GARIN1A: variants seen among roughly 807,000 people sequenced by gnomAD.
The protein encoded by GARIN1A is golgi associated RAB2 interactor 1A.
the GARIN1A span, chr7:128,687,018 A>G: frequency 6.6e-6 from 1 of 152,142 alleles, no homozygotes; most frequent in African/African-American, 2.4e-5. Flanking sequence ...CACCATGCCA[A>G]ATTTCTTGTG....
At chr7:128,680,858 C>T in the GARIN1A span, among the ~76,000 whole-genome samples, 17 of 152,196 alleles carry the variant, frequency 1.1e-4, no homozygotes, top group African/African-American at 2.2e-4. Flanking sequence ...TGAGCCACTG[C>T]GCCTGGTCCT....
chr7:128,685,270 A>G, the GARIN1A span: 2 of 152,216 alleles, frequency 1.3e-5, no homozygotes, highest in Admixed American at 1.3e-4. Context: ...ACTGCGTTTG[A>G]CGCTAAGTAT....
At chr7:128,698,776 G>A in the GARIN1A span, among the ~76,000 whole-genome samples, 1 of 152,104 alleles carries the variant, frequency 6.6e-6, no homozygotes. Flanking sequence ...TAGAGACGGG[G>A]TTTTGCTGTG....
At chr7:128,675,832 G>T in the GARIN1A span, 1 of 1,613,600 alleles carries the variant, frequency 6.2e-7, no homozygotes, top group East Asian at 2.2e-5. Context: ...AGCACACCTG[G>T]TGACGCCCCA....
the GARIN1A span, among the ~76,000 whole-genome samples, chr7:128,706,876 G>A: frequency 6.6e-6 from 1 of 152,132 alleles, no homozygotes; most frequent in Non-Finnish European, 1.5e-5. Context: ...GGGACTCTGG[G>A]AAATGCAAAG....
chr7:128,682,109 C>G, the GARIN1A span, among the ~76,000 whole-genome samples: 1 of 152,122 alleles, frequency 6.6e-6, no homozygotes, highest in Admixed American at 6.5e-5. Context: ...ACAGAAACAA[C>G]TCTTCTCCCA....
chr7:128,672,661 G>A, the GARIN1A span: 2 of 430,600 alleles, frequency 4.6e-6, no homozygotes, highest in South Asian at 2.2e-5. Flanking sequence ...GGGGGGGCGG[G>A]GGGACAAAGA....
At chr7:128,694,426 G>A in the GARIN1A span, among the ~76,000 whole-genome samples, 19 of 152,084 alleles carry the variant, frequency 1.2e-4, no homozygotes, top group Non-Finnish European at 2.4e-4. Context: ...CCAACTACTC[G>A]GGAGGCTGAG....
At chr7:128,691,938 C>T in the GARIN1A span, among the ~76,000 whole-genome samples, 2 of 152,218 alleles carry the variant, frequency 1.3e-5, no homozygotes, top group African/African-American at 4.8e-5. Context: ...TGAGCAGGAA[C>T]ATCACTCATC....
At chr7:128,672,622 T>C in the GARIN1A span, 17,350 of 539,640 alleles carry the variant, frequency 0.032, 231 homozygotes, top group Non-Finnish European at 0.036. Flanking sequence ...GGTTAGGAGA[T>C]GCTGTGGCCT....
chr7:128,708,530 AATTGTTTTCTTCTACTCTTGAAGG>A, the GARIN1A span, among the ~76,000 whole-genome samples: 1 of 79,738 alleles, frequency 1.3e-5, no homozygotes, highest in Non-Finnish European at 3.0e-5. Context: ...GTTTTTCTTG[AATTGTTTTCTTCTACTCTTGAAGG>A]GTTTTCTTGA....
At chr7:128,689,786 TG>T in the GARIN1A span, among the ~76,000 whole-genome samples, 1,385 of 73,928 alleles carry the variant, frequency 0.019, 104 homozygotes, top group African/African-American at 0.057. Flanking sequence ...GGGAGGGAGG[TG>T]GGGGGTCAGC....
At chr7:128,677,888 T>G in the GARIN1A span, 1 of 1,253,988 alleles carries the variant, frequency 8.0e-7, no homozygotes, top group Non-Finnish European at 1.1e-6. Flanking sequence ...TGTGTATATA[T>G]ATAGACTTGT....
chr7:128,675,322 C>T, the GARIN1A span, among the ~76,000 whole-genome samples: 5 of 152,366 alleles, frequency 3.3e-5, no homozygotes, highest in African/African-American at 1.2e-4. Context: ...TTCACACAAT[C>T]TCCCTTTTGG....
At chr7:128,681,962 T>C in the GARIN1A span, among the ~76,000 whole-genome samples, 2 of 143,504 alleles carry the variant, frequency 1.4e-5, no homozygotes, top group African/African-American at 5.3e-5. Context: ...TAAGGAGTCC[T>C]CCTGGGTAAG....
the GARIN1A span, among the ~76,000 whole-genome samples, chr7:128,677,265 T>C: frequency 6.7e-6 from 1 of 149,492 alleles, no homozygotes; most frequent in East Asian, 2.0e-4. Flanking sequence ...CCCAGCACTT[T>C]GGGAGGCCGA....
chr7:128,672,432 G>A, the GARIN1A span: 1 of 1,609,230 alleles, frequency 6.2e-7, no homozygotes, highest in African/African-American at 1.3e-5. Flanking sequence ...CCTGAGGTCA[G>A]GGAACCAGGC....
chr7:128,673,393 T>C, the GARIN1A span, among the ~76,000 whole-genome samples: 8 of 152,322 alleles, frequency 5.3e-5, no homozygotes, highest in Middle Eastern at 6.8e-3. Context: ...CTCTGGACTT[T>C]GGCAGTTGAA....
the GARIN1A span, among the ~76,000 whole-genome samples, chr7:128,682,114 C>A: frequency 6.6e-6 from 1 of 152,154 alleles, no homozygotes; most frequent in Admixed American, 6.5e-5. Flanking sequence ...AACAACTCTT[C>A]TCCCAGAGTC....
Sources: allele counts gnomAD v4.1 joint callset (sites outside exome capture counted in the v4.1 genomes callset), GRCh38; gene constraint gnomAD v4.1.1; transcripts MANE v1.5; gene names NCBI Gene and HGNC (gene_info 2026-07-23, HGNC 2026-07-21).